ASIC2: variants seen among roughly 807,000 people sequenced by gnomAD.
The protein encoded by ASIC2 is acid-sensing ion channel 2.
ASIC2 carries 25 observed loss-of-function variants against 57.3 expected under a neutral mutation model. The ratio of observed to expected loss-of-function variants is 0.44; its 90% confidence interval spans 0.32 to 0.61. ASIC2 has a LOEUF of 0.61. Among genes scored for constraint, ASIC2 ranks in the 20% least tolerant of loss-of-function variants. The pLI, the probability that ASIC2 is intolerant of heterozygous loss-of-function variation, is 0.06. For synonymous variants in ASIC2, 319 were observed against 307.5 expected (o/e 1.04, Z -0.39); for missense variants, 641 against 738.1 (o/e 0.87, Z 1.52).
intron 1 of ASIC2, among the ~76,000 whole-genome samples, chr17:33,230,905 G>A (rs956697276): frequency 6.6e-6 from 1 of 152,140 alleles, no homozygotes; most frequent in Non-Finnish European, 1.5e-5. Context: ...CAATATAGGC[G>A]TCTTTAAAAA....
chr17:33,215,245 A>G (rs1456404090), intron 1 of ASIC2, among the ~76,000 whole-genome samples: 1 of 152,234 alleles, frequency 6.6e-6, no homozygotes, highest in Non-Finnish European at 1.5e-5. Context: ...GGGAGAGGGT[A>G]CATTTGGGCA....
intron 1 of ASIC2, among the ~76,000 whole-genome samples, chr17:33,925,588 C>T (rs1915806274): frequency 1.3e-5 from 2 of 152,204 alleles, no homozygotes; most frequent in Non-Finnish European, 2.9e-5. Flanking sequence ...CCCACTCCTA[C>T]CTTAGAAAGG....
intron 1 of ASIC2, among the ~76,000 whole-genome samples, chr17:33,424,303 G>A (rs1205467569): frequency 1.3e-5 from 2 of 152,172 alleles, no homozygotes; most frequent in Admixed American, 1.3e-4. Context: ...ATTAAATAAT[G>A]TCCAGCTGTC....
chr17:33,651,184 C>T (rs752088964), intron 1 of ASIC2, among the ~76,000 whole-genome samples: 1 of 152,046 alleles, frequency 6.6e-6, no homozygotes, highest in Non-Finnish European at 1.5e-5. Flanking sequence ...TGAGTAAAGT[C>T]TATAATCTAG....
At chr17:33,391,014 CAGAG>C (rs1296263447) in intron 1 of ASIC2, among the ~76,000 whole-genome samples, 7 of 152,198 alleles carry the variant, frequency 4.6e-5, no homozygotes, top group African/African-American at 1.7e-4. Context: ...AGCTGGCAGA[CAGAG>C]AAAGAGGGAG....
intron 1 of ASIC2, among the ~76,000 whole-genome samples, chr17:33,155,124 T>C (rs928565281): frequency 9.9e-5 from 15 of 152,252 alleles, no homozygotes; most frequent in Admixed American, 8.5e-4. Flanking sequence ...CCACAGGGCC[T>C]GTGCCTGCGT....
intron 1 of ASIC2, among the ~76,000 whole-genome samples, chr17:33,857,564 G>T (rs1290977369): frequency 1.3e-5 from 2 of 152,210 alleles, no homozygotes; most frequent in African/African-American, 4.8e-5. Flanking sequence ...GGGGCCACTG[G>T]TGAGACTCAG....
chr17:33,941,416 T>C (rs577217094), intron 1 of ASIC2, among the ~76,000 whole-genome samples: 1 of 152,318 alleles, frequency 6.6e-6, no homozygotes, highest in South Asian at 2.1e-4. Flanking sequence ...TACCAGGGGC[T>C]TCCCCAGGGC....
At chr17:33,904,111 C>T (rs185838461) in intron 1 of ASIC2, among the ~76,000 whole-genome samples, 169 of 130,512 alleles carry the variant, frequency 1.3e-3, no homozygotes, top group Admixed American at 2.9e-3. Context: ...TGCAGTGAAC[C>T]GAGATCGCGC....
intron 1 of ASIC2, among the ~76,000 whole-genome samples, chr17:33,901,443 G>A (rs1377209440): frequency 6.6e-6 from 1 of 151,942 alleles, no homozygotes; most frequent in Non-Finnish European, 1.5e-5. Flanking sequence ...CTCCCATATG[G>A]GACTGATTTT....
Position 33,293,169 on chromosome 17 carries a change from A to G in ASIC2, c.-1054T>C, listed in dbSNP as rs1187160348. Among the ~76,000 whole-genome samples, 1 of 152,144 alleles carries G rather than the reference A, an allele frequency of 6.6e-6. No homozygotes were observed. The highest frequency in any genetic ancestry group is 6.5e-5 in the Admixed American group (1 of 15,288). ...GCTCGCGGTGGCCGTGACGCCGGCT[A>G]AGCTCCTTCCCCGGTTGCCCGGGAG... On this transcript the variant is annotated 5_prime_UTR_variant, in exon 1 of 10. Coordinates refer to ENST00000225823, the MANE Select transcript of ASIC2 (RefSeq NM_183377.2).
intron 1 of ASIC2, among the ~76,000 whole-genome samples, chr17:33,127,304 C>G (rs551606491): frequency 6.6e-6 from 1 of 152,304 alleles, no homozygotes; most frequent in East Asian, 1.9e-4. Flanking sequence ...TTAAGAAGCC[C>G]TGGGAACTCT....
chr17:33,435,700 C>G (rs11656800), intron 1 of ASIC2, among the ~76,000 whole-genome samples: 52,948 of 152,040 alleles, frequency 0.35, 9,291 homozygotes, highest in Middle Eastern at 0.44. Context: ...AATTAAAAAA[C>G]AAACCAGACT....
chr17:34,011,272 G>A (rs1013233069), intron 1 of ASIC2, among the ~76,000 whole-genome samples: 2 of 152,040 alleles, frequency 1.3e-5, no homozygotes, highest in Non-Finnish European at 2.9e-5. Flanking sequence ...CACATACCTT[G>A]GCCCTTTCTG....
chr17:33,115,138 C>T (rs1178648688), intron 1 of ASIC2, among the ~76,000 whole-genome samples: 2 of 152,128 alleles, frequency 1.3e-5, no homozygotes, highest in African/African-American at 4.8e-5. Context: ...CTGCAGCTGC[C>T]CTTGGTGTCA....
intron 1 of ASIC2, among the ~76,000 whole-genome samples, chr17:33,799,370 CTTT>C (rs1912019379): frequency 1.8e-5 from 2 of 109,878 alleles, no homozygotes; most frequent in East Asian, 5.9e-4. Context: ...TTCTTTCTTT[CTTT>C]CTTCCTTTCT....
chr17:33,475,798 C>G, intron 1 of ASIC2, among the ~76,000 whole-genome samples: 1 of 152,154 alleles, frequency 6.6e-6, no homozygotes, highest in East Asian at 1.9e-4. Context: ...GCTGCTGCAG[C>G]CCTCCCCCAT....
intron 1 of ASIC2, among the ~76,000 whole-genome samples, chr17:34,013,452 A>T (rs1906842161): frequency 1.3e-5 from 2 of 152,236 alleles, no homozygotes; most frequent in Non-Finnish European, 2.9e-5. Context: ...AATGGAGTCA[A>T]TAAGACCCTT....
chr17:33,602,886 G>T (rs575895569), intron 1 of ASIC2, among the ~76,000 whole-genome samples: 3 of 152,298 alleles, frequency 2.0e-5, no homozygotes, highest in South Asian at 4.1e-4. Flanking sequence ...TTTCTACCTT[G>T]TACCTTTTTC....
Sources: gnomAD v4.1 joint callset for allele counts (sites outside exome capture counted in the v4.1 genomes callset) on GRCh38, gnomAD v4.1.1 for gene constraint, MANE v1.5 for transcripts, NCBI Gene and HGNC (gene_info 2026-07-23, HGNC 2026-07-21) for gene names.